The following ROCK2 variants were observed in gnomAD, a reference collection of about 807,000 sequenced individuals.
The protein encoded by ROCK2 is rho-associated protein kinase 2.
In ROCK2, 61 loss-of-function variants were observed where a neutral mutation model predicts 195.1. The ratio of observed to expected loss-of-function variants is 0.31; its 90% CI spans 0.25 to 0.39. The LOEUF is 0.39. Among genes scored for constraint, ROCK2 ranks in the 10% least tolerant of loss-of-function variants. The probability of loss-of-function intolerance (pLI) is 1.00; values close to 1 mark genes in which losing one functional copy is unlikely to be tolerated. For missense variants in ROCK2, 1,109 were observed against 1,637.4 expected (o/e 0.68, Z 5.57); for synonymous variants, 504 against 545.5 (o/e 0.92, Z 1.06).
At chr2:11,227,201 A>C (rs1357167272) in intron 6 of ROCK2, 53 bp downstream of exon 6, 1 of 1,476,908 alleles carries the variant, frequency 6.8e-7, no homozygotes, top group Non-Finnish European at 9.3e-7. Flanking sequence ...TCTTGACTGA[A>C]ATAAAGTATT....
intron 12 of ROCK2, among the ~76,000 whole-genome samples, chr2:11,216,480 C>T (rs183027517): frequency 1.4e-3 from 215 of 148,778 alleles, no homozygotes; most frequent in Non-Finnish European, 2.6e-3. Context: ...TCACCGCACC[C>T]GGCCGTAGCT....
intron 32 of ROCK2, among the ~76,000 whole-genome samples, chr2:11,189,707 C>T (rs1027709683): frequency 4.6e-5 from 7 of 152,022 alleles, no homozygotes; most frequent in African/African-American, 1.7e-4. Context: ...ACTGGCCAGG[C>T]GTGGTGGCTC....
chr2:11,191,858 T>C (rs1448538714), intron 32 of ROCK2, among the ~76,000 whole-genome samples: 2 of 152,184 alleles, frequency 1.3e-5, no homozygotes, highest in East Asian at 1.9e-4. Flanking sequence ...TAAGAACCTA[T>C]GGACAATGTT....
chr2:11,319,244 T>C (rs1165042169), intron 1 of ROCK2, among the ~76,000 whole-genome samples: 2 of 152,222 alleles, frequency 1.3e-5, no homozygotes, highest in Admixed American at 6.5e-5. Context: ...AAGCATGGAA[T>C]GTTCTTCCAT....
chr2:11,308,641 T>C (rs548607600), intron 1 of ROCK2: 70 of 1,437,694 alleles, frequency 4.9e-5, no homozygotes, highest in Non-Finnish European at 6.7e-5. Flanking sequence ...TGCAAGATAC[T>C]CCTGTGGCTT....
chr2:11,205,897 T>C (rs762463785), intron 20 of ROCK2, among the ~76,000 whole-genome samples: 1 of 152,004 alleles, frequency 6.6e-6, no homozygotes, highest in Non-Finnish European at 1.5e-5. Flanking sequence ...TCACCTGAGG[T>C]CAGCAGTTCA....
At chr2:11,224,240 T>A in intron 7 of ROCK2, 82 bp downstream of exon 7, 1 of 1,310,322 alleles carries the variant, frequency 7.6e-7, no homozygotes, top group Non-Finnish European at 1.1e-6. Flanking sequence ...ACTGATTTCA[T>A]ATGTTAATAA....
At chr2:11,334,492 CAGAG>C (rs1232517604) in intron 1 of ROCK2, among the ~76,000 whole-genome samples, 1 of 108,198 alleles carries the variant, frequency 9.2e-6, no homozygotes. Context: ...GGCTGGGCGA[CAGAG>C]AGAGACTCTG....
intron 20 of ROCK2, among the ~76,000 whole-genome samples, chr2:11,203,664 C>T (rs1298168563): frequency 6.6e-6 from 1 of 152,114 alleles, no homozygotes; most frequent in East Asian, 1.9e-4. Context: ...TTTGTTTACT[C>T]ACTGGCTCTT....
chr2:11,290,487 C>T (rs544364198), intron 1 of ROCK2, among the ~76,000 whole-genome samples: 156 of 151,922 alleles, frequency 1.0e-3, no homozygotes, highest in African/African-American at 3.3e-3. Context: ...AAAAGAAATA[C>T]AAATAAATTC....
At chr2:11,276,971 T>C (rs1666847783) in intron 3 of ROCK2, among the ~76,000 whole-genome samples, 1 of 152,160 alleles carries the variant, frequency 6.6e-6, no homozygotes, top group African/African-American at 2.4e-5. Flanking sequence ...TTTTTATTAA[T>C]AGACTTTATT....
chr2:11,298,449 A>T (rs890305384), intron 1 of ROCK2, among the ~76,000 whole-genome samples: 1 of 148,406 alleles, frequency 6.7e-6, no homozygotes, highest in Non-Finnish European at 1.5e-5. Context: ...CAGCCTGAAC[A>T]ACAGAGTGAG....
chr2:11,234,342 A>G (rs977041524), intron 5 of ROCK2: 4 of 152,178 alleles, frequency 2.6e-5, no homozygotes, highest in African/African-American at 9.6e-5. Flanking sequence ...CCCTAGTGCC[A>G]AAAGTTTTTG....
chr2:11,232,438 G>T (rs944880689), intron 5 of ROCK2, among the ~76,000 whole-genome samples: 2 of 152,094 alleles, frequency 1.3e-5, no homozygotes, highest in Non-Finnish European at 2.9e-5. Context: ...CAAAACTATG[G>T]ACATTTCTAA....
At chr2:11,327,130 C>A (rs992781383) in intron 1 of ROCK2, among the ~76,000 whole-genome samples, 1 of 152,116 alleles carries the variant, frequency 6.6e-6, no homozygotes, top group Non-Finnish European at 1.5e-5. Flanking sequence ...AAGAGACAAA[C>A]TGATCCAGAA....
At chr2:11,220,373 T>C (rs1664595219) in intron 9 of ROCK2, among the ~76,000 whole-genome samples, 1 of 152,040 alleles carries the variant, frequency 6.6e-6, no homozygotes, top group Non-Finnish European at 1.5e-5. Flanking sequence ...GGTCTAGAAC[T>C]CCTGGGCTCA....
chr2:11,289,705 T>A (rs1186550310), intron 1 of ROCK2, among the ~76,000 whole-genome samples: 1 of 152,200 alleles, frequency 6.6e-6, no homozygotes, highest in Non-Finnish European at 1.5e-5. Context: ...GAAGCAACAC[T>A]ACAACTTGAC....
At chr2:11,266,674 A>T (rs777530902) in intron 3 of ROCK2, among the ~76,000 whole-genome samples, 5 of 152,234 alleles carry the variant, frequency 3.3e-5, no homozygotes, top group Admixed American at 6.5e-5. Context: ...GTCCACACAT[A>T]TCCGCCATAC....
Position 11,217,139 on chromosome 2 carries a change from G to C in ROCK2, c.1363C>G (p.His455Asp). 1 of 1,573,326 alleles carries C rather than the reference G, an allele frequency of 6.4e-7. No individual in the cohort carries two copies. Among genetic ancestry groups the C allele is most frequent in the Middle Eastern group, 1.7e-4 (1 of 5,970 alleles). ...IQKKLYTLEE[H>D]LSNEMQAKEE... ...TTGGCTTGCATCTCATTGCTAAGAT[G>C]TTCTTCTAATGTATACAGTTTTTTC... The change falls in exon 12 of 33, where the codon CAT becomes GAT. Residue 455 changes from histidine (H) to aspartate (D), a missense_variant. By Grantham distance (81) the His-to-Asp change is moderately conservative (BLOSUM62 -1). Around this residue, in one of 6 missense-constraint regions of ROCK2, gnomAD observed 542 missense variants for 672.0 expected, o/e 0.81. Transcript: ENST00000315872.
Sources: allele counts gnomAD v4.1 joint callset (sites outside exome capture counted in the v4.1 genomes callset), GRCh38; gene constraint gnomAD v4.1.1; regional missense constraint gnomAD v4.1.1; transcripts MANE v1.5; gene names NCBI Gene and HGNC (gene_info 2026-07-23, HGNC 2026-07-21).